Variants in DRC10 observed in about 807,000 individuals in gnomAD.
DRC10 encodes the protein IQ domain-containing protein D.
the DRC10 span, among the ~76,000 whole-genome samples, chr12:113,216,995 A>C: frequency 6.6e-6 from 1 of 152,148 alleles, no homozygotes; most frequent in Non-Finnish European, 1.5e-5. Context: ...AGGCTGAGGC[A>C]GGAGAATCGC....
At chr12:113,212,609 C>T in the DRC10 span, among the ~76,000 whole-genome samples, 4 of 152,172 alleles carry the variant, frequency 2.6e-5, no homozygotes, top group Admixed American at 2.6e-4. Flanking sequence ...TTGCTTTCAG[C>T]CAAATTACCT....
chr12:113,207,587 GGAAA>G, the DRC10 span: 1 of 1,614,150 alleles, frequency 6.2e-7, no homozygotes, highest in Non-Finnish European at 8.5e-7. Flanking sequence ...TTTTCAAACA[GGAAA>G]CCACGGAGCT....
At chr12:113,212,790 A>G in the DRC10 span, among the ~76,000 whole-genome samples, 1 of 152,174 alleles carries the variant, frequency 6.6e-6, no homozygotes, top group Admixed American at 6.5e-5. Context: ...GAATCCTAAT[A>G]TGATCATTTC....
At chr12:113,197,408 G>A in the DRC10 span, 4 of 642,834 alleles carry the variant, frequency 6.2e-6, no homozygotes, top group Non-Finnish European at 8.2e-6. Flanking sequence ...TAAACAAAGG[G>A]AAGTGCTCCC....
the DRC10 span, among the ~76,000 whole-genome samples, chr12:113,204,034 A>T: frequency 6.6e-6 from 1 of 152,090 alleles, no homozygotes; most frequent in South Asian, 2.1e-4. Flanking sequence ...TGAGCCCAGG[A>T]GTTCGAAACC....
At chr12:113,212,819 C>T in the DRC10 span, among the ~76,000 whole-genome samples, 2 of 152,244 alleles carry the variant, frequency 1.3e-5, no homozygotes, top group East Asian at 3.9e-4. Flanking sequence ...TTTAATGCCA[C>T]CAACCTTAAT....
At chr12:113,217,028 G>T in the DRC10 span, among the ~76,000 whole-genome samples, 1 of 152,140 alleles carries the variant, frequency 6.6e-6, no homozygotes, top group African/African-American at 2.4e-5. Context: ...GGCGTAGGTT[G>T]CAGTGAGCTG....
the DRC10 span, chr12:113,200,528 A>AAC: frequency 1.8e-6 from 1 of 546,556 alleles, no homozygotes; most frequent in Non-Finnish European, 3.4e-6. Flanking sequence ...AGTCCCACCC[A>AAC]TCCCCCCCAC....
the DRC10 span, among the ~76,000 whole-genome samples, chr12:113,211,978 T>C: frequency 5.9e-5 from 9 of 151,918 alleles, no homozygotes; most frequent in Non-Finnish European, 1.0e-4. Flanking sequence ...GGCAGGAGGA[T>C]TGCTTGAGCC....
chr12:113,210,067 C>T, the DRC10 span, among the ~76,000 whole-genome samples: 4 of 152,172 alleles, frequency 2.6e-5, no homozygotes, highest in South Asian at 6.2e-4. Flanking sequence ...ACCTAGGAGG[C>T]GGAGGTTGCA....
the DRC10 span, chr12:113,207,248 T>C: frequency 1.5e-6 from 1 of 660,574 alleles, no homozygotes; most frequent in Non-Finnish European, 2.7e-6. Context: ...CTTGGGAGGC[T>C]GTGGTGGGAG....
chr12:113,201,608 T>C, the DRC10 span, among the ~76,000 whole-genome samples: 3 of 152,244 alleles, frequency 2.0e-5, no homozygotes, highest in Non-Finnish European at 4.4e-5. Flanking sequence ...ATGTCTGGCT[T>C]GTCCCCTGCC....
the DRC10 span, among the ~76,000 whole-genome samples, chr12:113,209,279 T>G: frequency 6.6e-6 from 1 of 152,330 alleles, no homozygotes; most frequent in South Asian, 2.1e-4. Flanking sequence ...TTTAAAAAAC[T>G]GTTTCACTAA....
At chr12:113,195,887 C>T in the DRC10 span, 2 of 1,601,208 alleles carry the variant, frequency 1.2e-6, no homozygotes, top group Non-Finnish European at 1.7e-6. Flanking sequence ...CCTCCAACTC[C>T]TCCTGGGGTG....
the DRC10 span, among the ~76,000 whole-genome samples, chr12:113,213,927 C>T: frequency 1.3e-5 from 2 of 151,782 alleles, no homozygotes; most frequent in Non-Finnish European, 2.9e-5. Flanking sequence ...CTGGGTGACA[C>T]AGTGAGACTC....
the DRC10 span, chr12:113,202,880 G>C: frequency 3.3e-6 from 1 of 298,528 alleles, no homozygotes; most frequent in Non-Finnish European, 7.0e-6. Flanking sequence ...CAGCTATTTT[G>C]GGTGTCTCTG....
chr12:113,217,633 G>C, the DRC10 span, among the ~76,000 whole-genome samples: 65 of 152,334 alleles, frequency 4.3e-4, no homozygotes, highest in Admixed American at 1.1e-3. Flanking sequence ...CCTGGTTCAA[G>C]CAATTCTCGT....
chr12:113,204,121 GT>G, the DRC10 span, among the ~76,000 whole-genome samples: 2 of 152,114 alleles, frequency 1.3e-5, no homozygotes, highest in African/African-American at 2.4e-5. Flanking sequence ...CATGCCTGTA[GT>G]TTCAGCTACT....
the DRC10 span, among the ~76,000 whole-genome samples, chr12:113,203,645 TTTATA>T: frequency 3.9e-5 from 6 of 151,934 alleles, no homozygotes; most frequent in African/African-American, 1.4e-4. Flanking sequence ...CCAGCTAATT[TTTATA>T]TTATGAGTAG....
Sources: gnomAD v4.1 joint callset for allele counts (sites outside exome capture counted in the v4.1 genomes callset) on GRCh38, gnomAD v4.1.1 for gene constraint, MANE v1.5 for transcripts, NCBI Gene and HGNC (gene_info 2026-07-23, HGNC 2026-07-21) for gene names.